The following NAV1 variants were observed in gnomAD, a reference collection of about 807,000 sequenced individuals.
NAV1 encodes neuron navigator 1, also known as pore membrane and/or filament interacting like protein 3.
NAV1 carries 18 observed loss-of-function variants against 175.2 expected under a neutral mutation model. That is an observed-to-expected ratio of 0.10 (90% CI 0.07 to 0.15). The LOEUF (loss-of-function observed/expected upper bound fraction) is 0.15. NAV1 is among the 10% of genes least tolerant of loss of function. The pLI is 1.00. For synonymous variants in NAV1, 897 were observed against 978.7 expected (o/e 0.92, Z 1.56); for missense variants, 1,731 against 2,436.6 (o/e 0.71, Z 6.10).
At chr1:201,738,038 C>A (rs1385904710) in intron 3 of NAV1, among the ~76,000 whole-genome samples, 2 of 151,944 alleles carry the variant, frequency 1.3e-5, no homozygotes, top group African/African-American at 2.4e-5. Context: ...AACAGGAGAG[C>A]CAGGATAGGG....
intron 3 of NAV1, among the ~76,000 whole-genome samples, chr1:201,727,516 C>T (rs1672658128): frequency 6.6e-6 from 1 of 152,194 alleles, no homozygotes; most frequent in South Asian, 2.1e-4. Context: ...ACCTCTTTCC[C>T]ATCATGACTT....
chr1:201,629,636 T>A (rs1668430517), intron 2 of NAV1, 129 bp downstream of exon 4: 1 of 512,024 alleles, frequency 2.0e-6, no homozygotes, highest in Non-Finnish European at 3.2e-6. Context: ...ACCTGTGAAT[T>A]GCACTTTGAG....
chr1:201,673,321 C>T (rs941034687), intron 1 of NAV1: 1 of 152,220 alleles, frequency 6.6e-6, no homozygotes, highest in Non-Finnish European at 1.5e-5. Flanking sequence ...GTGGGAGGCA[C>T]ACACTTATCA....
chr1:201,665,161 T>TCC (rs1286707564), intron 1 of NAV1, among the ~76,000 whole-genome samples: 1 of 151,630 alleles, frequency 6.6e-6, no homozygotes, highest in Non-Finnish European at 1.5e-5. Context: ...TTTGAAGTGC[T>TCC]CCCCCCGCAC....
intron 1 of NAV1, among the ~76,000 whole-genome samples, chr1:201,712,221 C>T (rs1034497106): frequency 2.0e-5 from 3 of 152,192 alleles, no homozygotes; most frequent in African/African-American, 7.2e-5. Flanking sequence ...CAGTCAGTGC[C>T]TGGGTTTAGG....
At chr1:201,705,118 C>T (rs1671613413) in intron 1 of NAV1, among the ~76,000 whole-genome samples, 2 of 152,162 alleles carry the variant, frequency 1.3e-5, no homozygotes, top group South Asian at 4.1e-4. Context: ...TGCCCCTCAC[C>T]CTCTTTACGT....
chr1:201,566,507 C>T (rs771269002), intron 1 of NAV1, among the ~76,000 whole-genome samples: 2 of 152,152 alleles, frequency 1.3e-5, no homozygotes, highest in African/African-American at 2.4e-5. Context: ...AGAGCTCCCT[C>T]GGGAATACTC....
In NAV1 at chr1:201,788,708, C is replaced by T; in HGVS notation, c.3166+70C>T. The T allele has an allele frequency of 6.9e-7, 1 of 1,440,324 alleles. No homozygotes were observed. Among genetic ancestry groups the T allele is most frequent in the Non-Finnish European group, 9.5e-7 (1 of 1,054,736 alleles). The allele number at this position is 1,440,324 out of a possible 1,614,324, so 89.2% of individuals were successfully genotyped here. The stretch of plus-strand genomic sequence containing the variant: ...TGGGTCCCCTCACCCACCACCTCCA[C>T]TCCCACCACTCCTACCACCACACAC... On this transcript the variant is annotated intron_variant, in intron 10 of 29. Coordinates refer to ENST00000367296, the Ensembl canonical transcript of NAV1. This position sits in a 1 kb window ranked among gnomAD's most constrained non-coding sequence, Gnocchi z 5.7.
chr1:201,797,158 T>C (rs1677504601), intron 15 of NAV1: 1 of 152,218 alleles, frequency 6.6e-6, no homozygotes, highest in Non-Finnish European at 1.5e-5. Context: ...TTTTTGTACA[T>C]GGTATGAGGT....
intron 3 of NAV1, among the ~76,000 whole-genome samples, chr1:201,748,489 T>A (rs1673907261): frequency 6.6e-6 from 1 of 152,202 alleles, no homozygotes; most frequent in Non-Finnish European, 1.5e-5. Flanking sequence ...GCTCTACCCC[T>A]GGCCTCAGAA....
Position 201,812,376 on chromosome 1 carries a change from G to T in NAV1, c.5025-89G>T. The T allele has an allele frequency of 7.7e-7, 1 of 1,306,638 alleles. No individual in the cohort carries two copies. Among genetic ancestry groups the T allele is most frequent in the East Asian group, 2.3e-5 (1 of 43,224 alleles). 80.9% of individuals were successfully genotyped at this position (1,306,638 alleles called of 1,614,324 possible). A position where few individuals can be genotyped will look rare whatever the true frequency, so the allele number is the denominator to read the frequency against. On this transcript the variant is annotated intron_variant, in intron 26 of 29. Coordinates refer to ENST00000367296, the Ensembl canonical transcript of NAV1. The surrounding 1 kb of genome is among the most constrained non-coding windows in gnomAD (Gnocchi z 4.6). ...ACCAAGTAGGCATTAGTGAGAAGCA[G>T]GCAGAAGGAGGGACAGACTGGCAGG...
At chr1:201,773,119 A>G (rs35286424) in intron 3 of NAV1, among the ~76,000 whole-genome samples, 14,202 of 152,132 alleles carry the variant, frequency 0.093, 1,246 homozygotes, top group African/African-American at 0.23. Flanking sequence ...TATAGGGATT[A>G]AACTCAGGTA....
chr1:201,812,315 C>A lies in NAV1; in HGVS notation c.5025-150C>A. ...GCTCTACCACCCCAGGGCTGCTGCT[C>A]TGAGTTCCGATGTCCCCACTATTAC... On this transcript the variant is annotated intron_variant, in intron 26 of 29. Coordinates refer to ENST00000367296, the Ensembl canonical transcript of NAV1. This position sits in a 1 kb window ranked among gnomAD's most constrained non-coding sequence, Gnocchi z 4.6. 1.3e-6 allele frequency: 1 copy of A among 764,248 alleles called. No individual in the cohort carries two copies. Among genetic ancestry groups the A allele is most frequent in the South Asian group, 1.8e-5 (1 of 56,390 alleles). The allele number at this position is 764,248 out of a possible 1,614,324, so 47.3% of individuals were successfully genotyped here.
At chr1:201,598,127 A>G (rs570171232) in intron 2 of NAV1, among the ~76,000 whole-genome samples, 7 of 152,362 alleles carry the variant, frequency 4.6e-5, no homozygotes, top group African/African-American at 1.7e-4. Flanking sequence ...TGAGCAGCCA[A>G]CGCTATGTAC....
In NAV1 at chr1:201,779,402, G is replaced by A. The variant is rs1172473252; in HGVS notation, c.1227-1019G>A. 2.0e-5 allele frequency among the ~76,000 whole-genome samples: 3 copies of A among 150,506 alleles called. No homozygotes were observed. The East Asian group carries it at 5.8e-4, about 29-fold the overall frequency. The stretch of plus-strand genomic sequence containing the variant: ...AGGTCAGGGGTTCAAGACCAGCCTG[G>A]CCAACATGGTGAAACCCTGTCTCTA... On this transcript the variant is annotated intron_variant, in intron 3 of 29. Coordinates refer to ENST00000367296, the Ensembl canonical transcript of NAV1.
At chr1:201,607,745 G>A (rs1374562185) in intron 2 of NAV1, among the ~76,000 whole-genome samples, 1 of 152,168 alleles carries the variant, frequency 6.6e-6, no homozygotes, top group Non-Finnish European at 1.5e-5. Context: ...ACCCACCTCG[G>A]CCTCCCAAAG....
chr1:201,687,244 T>C (rs917609653), intron 1 of NAV1, among the ~76,000 whole-genome samples: 8 of 152,238 alleles, frequency 5.3e-5, no homozygotes, highest in Non-Finnish European at 5.9e-5. Flanking sequence ...AGGTTGCTTT[T>C]TTTTTCCCCC....
At chr1:201,660,869 A>AG (rs1669583568) in intron 1 of NAV1, among the ~76,000 whole-genome samples, 1 of 152,140 alleles carries the variant, frequency 6.6e-6, no homozygotes, top group African/African-American at 2.4e-5. Flanking sequence ...TCCCAGAGGA[A>AG]GGGCCCAGGT....
At chr1:201,715,574 C>A (rs1184287229) in intron 2 of NAV1, among the ~76,000 whole-genome samples, 2 of 152,178 alleles carry the variant, frequency 1.3e-5, no homozygotes, top group Non-Finnish European at 2.9e-5. Flanking sequence ...GGCAGGGAGG[C>A]ACCTGCCAGA....
Sources: allele counts gnomAD v4.1 joint callset (sites outside exome capture counted in the v4.1 genomes callset), GRCh38; gene constraint gnomAD v4.1.1; non-coding constraint Gnocchi (gnomAD v3.1); transcripts MANE v1.5; gene names NCBI Gene and HGNC (gene_info 2026-07-23, HGNC 2026-07-21).